Variants in CHLSN observed in about 807,000 individuals in gnomAD.
The protein encoded by CHLSN is cholesin, also known as protein cholesin.
At chr7:1,122,465 G>A in the CHLSN span, among the ~76,000 whole-genome samples, 2 of 152,170 alleles carry the variant, frequency 1.3e-5, no homozygotes, top group Non-Finnish European at 1.5e-5. Flanking sequence ...GCCTTCCCCC[G>A]CATACGGCTC....
At chr7:1,018,843 C>A in the CHLSN span, among the ~76,000 whole-genome samples, 2 of 152,026 alleles carry the variant, frequency 1.3e-5, no homozygotes, top group Non-Finnish European at 2.9e-5. Context: ...GGGTGATAGG[C>A]TCGTCCAGCT....
chr7:1,085,005 C>T, the CHLSN span, among the ~76,000 whole-genome samples: 1 of 152,248 alleles, frequency 6.6e-6, no homozygotes, highest in Non-Finnish European at 1.5e-5. Flanking sequence ...ACTGCAGGCC[C>T]TGTGTCTGGG....
At chr7:988,240 C>T in the CHLSN span, 30 of 1,545,166 alleles carry the variant, frequency 1.9e-5, no homozygotes, top group African/African-American at 2.5e-4. Context: ...CCATCTTCCC[C>T]GGGGCCCCTC....
At chr7:1,008,831 G>A in the CHLSN span, among the ~76,000 whole-genome samples, 3 of 117,460 alleles carry the variant, frequency 2.6e-5, no homozygotes, top group South Asian at 5.4e-4. Flanking sequence ...TATACACAAC[G>A]TGTATACACA....
At chr7:1,126,778 C>G in the CHLSN span, among the ~76,000 whole-genome samples, 6 of 152,290 alleles carry the variant, frequency 3.9e-5, no homozygotes, top group East Asian at 1.9e-4. Context: ...TTATTCATAA[C>G]CCGCTGCACA....
At chr7:1,101,002 G>A in the CHLSN span, among the ~76,000 whole-genome samples, 3 of 152,208 alleles carry the variant, frequency 2.0e-5, no homozygotes, top group South Asian at 6.2e-4. Flanking sequence ...CAGCCCGTCA[G>A]GGAGGCTCAC....
the CHLSN span, among the ~76,000 whole-genome samples, chr7:1,104,288 G>A: frequency 1.3e-5 from 2 of 152,232 alleles, no homozygotes; most frequent in East Asian, 3.8e-4. Flanking sequence ...TGCATGCAGT[G>A]GCCCGGGAGG....
the CHLSN span, among the ~76,000 whole-genome samples, chr7:1,105,106 T>C: frequency 6.6e-6 from 1 of 152,154 alleles, no homozygotes; most frequent in Non-Finnish European, 1.5e-5. Context: ...ATAGTTGTCA[T>C]GAAGGAAGAG....
chr7:1,102,736 G>A, the CHLSN span, among the ~76,000 whole-genome samples: 2 of 152,356 alleles, frequency 1.3e-5, no homozygotes, highest in East Asian at 1.9e-4. Flanking sequence ...CCGCCCGCAG[G>A]CACGGTGCCC....
At chr7:1,000,651 G>T in the CHLSN span, 2 of 919,886 alleles carry the variant, frequency 2.2e-6, no homozygotes, top group Non-Finnish European at 3.4e-6. Flanking sequence ...AGGAGAGGGA[G>T]CCCCACCAGG....
chr7:1,063,556 G>A, the CHLSN span, among the ~76,000 whole-genome samples: 2 of 152,200 alleles, frequency 1.3e-5, no homozygotes, highest in African/African-American at 2.4e-5. Context: ...CTGTTCTGCC[G>A]TGTCTCCCAG....
the CHLSN span, among the ~76,000 whole-genome samples, chr7:1,027,348 C>G: frequency 6.6e-6 from 1 of 152,260 alleles, no homozygotes; most frequent in East Asian, 1.9e-4. Flanking sequence ...GCAGGCTAGG[C>G]AGCCCGGTTC....
the CHLSN span, chr7:1,076,254 TCGCCAGGGAGGAGCAC>T: frequency 1.3e-5 from 2 of 156,628 alleles, no homozygotes; most frequent in Middle Eastern, 2.9e-3. Context: ...GGGAGGAGCA[TCGCCAGGGAGGAGCAC>T]CATGAGGGAG....
the CHLSN span, among the ~76,000 whole-genome samples, chr7:1,081,222 G>A: frequency 1.3e-5 from 2 of 152,222 alleles, no homozygotes; most frequent in Admixed American, 1.3e-4. Context: ...TGGTGCCTAG[G>A]CCGGGTGGGG....
At chr7:983,868 G>A in the CHLSN span, among the ~76,000 whole-genome samples, 1 of 152,238 alleles carries the variant, frequency 6.6e-6, no homozygotes, top group African/African-American at 2.4e-5. Context: ...AGAGGGTACG[G>A]GGACACGGCA....
the CHLSN span, among the ~76,000 whole-genome samples, chr7:1,094,502 A>G: frequency 1.3e-5 from 2 of 152,250 alleles, no homozygotes; most frequent in Non-Finnish European, 2.9e-5. Flanking sequence ...CAATTAAAGA[A>G]AACATCTGCA....
At chr7:1,019,404 T>G in the CHLSN span, among the ~76,000 whole-genome samples, 1 of 152,134 alleles carries the variant, frequency 6.6e-6, no homozygotes, top group Non-Finnish European at 1.5e-5. Flanking sequence ...TCACCCACGG[T>G]CAATGCTGGA....
At chr7:1,053,679 T>C in the CHLSN span, among the ~76,000 whole-genome samples, 1 of 152,158 alleles carries the variant, frequency 6.6e-6, no homozygotes, top group Non-Finnish European at 1.5e-5. Flanking sequence ...AATACAAAAT[T>C]AGCTGGGTGT....
At chr7:1,053,249 G>A in the CHLSN span, among the ~76,000 whole-genome samples, 4 of 152,254 alleles carry the variant, frequency 2.6e-5, no homozygotes, top group East Asian at 3.8e-4. Flanking sequence ...ACCCCTCTGC[G>A]TCCAGGCAGG....
Sources: allele counts gnomAD v4.1 joint callset (sites outside exome capture counted in the v4.1 genomes callset), GRCh38; gene constraint gnomAD v4.1.1; transcripts MANE v1.5; gene names NCBI Gene and HGNC (gene_info 2026-07-23, HGNC 2026-07-21).